The following NEB variants were observed in gnomAD, a reference collection of about 807,000 sequenced individuals.
NEB encodes the protein nemaline myopathy type 2.
Under a neutral mutation model 952.2 loss-of-function variants are expected in NEB, and 512 were observed. That is an observed-to-expected ratio of 0.54 (90% confidence interval 0.50 to 0.58). The LOEUF is 0.58. Among genes scored for constraint, NEB ranks in the 20% least tolerant of loss-of-function variants. NEB has a pLI of 0.00. For synonymous variants in NEB, 2,900 were observed against 3,149.8 expected (o/e 0.92, Z 2.66); for missense variants, 8,428 against 9,231.1 (o/e 0.91, Z 3.56).
At chr2:151,612,158 T>C in intron 78 of NEB, 28 bp downstream of exon 78, 1 of 1,599,464 alleles carries the variant, frequency 6.3e-7, no homozygotes, top group Non-Finnish European at 8.6e-7. Context: ...GGTATGATTC[T>C]GGCAACAGAA....
chr2:151,498,288 ACT>A lies in NEB; in HGVS notation c.24177_24178del (p.Arg8059SerfsTer9), dbSNP rs1266535163. ...GCTAAGGTTTTCTTGATTGTGTTTG[ACT>A]CTCTGCATCTCAGGAGTGATGGGGA... is the stretch of plus-strand genomic sequence containing the variant. On this transcript the variant is annotated frameshift_variant, in exon 170 of 182. Coordinates refer to ENST00000397345, the MANE Select transcript of NEB (RefSeq NM_001164508.2). LOFTEE classifies it high-confidence loss of function. 4.5e-6 allele frequency: 7 copies of A among 1,551,146 alleles called. No individual in the cohort carries two copies. Among genetic ancestry groups the A allele is most frequent in the Non-Finnish European group, 6.1e-6 (7 of 1,146,814 alleles).
At chr2:151,540,537 A>G (rs1559705544) in intron 137 of NEB, 89 bp from the exon 138 acceptor site, 1 of 1,150,198 alleles carries the variant, frequency 8.7e-7, no homozygotes, top group Non-Finnish European at 1.3e-6. Context: ...GAGGGGCACA[A>G]TGTGTTACAC....
chr2:151,639,624 G>C (rs1044037184), intron 62 of NEB, among the ~76,000 whole-genome samples: 9 of 152,114 alleles, frequency 5.9e-5, no homozygotes, highest in Non-Finnish European at 1.3e-4. Context: ...ATTTTATGCA[G>C]ACTATTTTTT....
Position 151,627,583 on chromosome 2 carries a change from C to T in NEB, c.10083G>A (p.Thr3361=), listed in dbSNP as rs778762176. The T allele has an allele frequency of 1.7e-5, 28 of 1,613,976 alleles. No individual in the cohort carries two copies. The highest frequency in any genetic ancestry group is 8.9e-5 in the East Asian group (4 of 44,880). Reference sequence around the variant, plus strand: ...TGACATCATTCTGGTCGGGCAGGCACGTCCACTCGTGCAGGTAGTTCTTGT... The same window carrying T: ...TGACATCATTCTGGTCGGGCAGGCATGTCCACTCGTGCAGGTAGTTCTTGT... ...VDYKNYLHEW[T]CLPDQNDVIH... is the part of the protein sequence containing the mutation. Residue 3361 remains threonine (T), a synonymous_variant, in exon 69 of 182, where the codon ACG becomes ACA. Transcript: ENST00000397345.
At chr2:151,619,840 T>C in intron 72 of NEB, 78 bp from the exon 73 acceptor site, 2 of 1,443,676 alleles carry the variant, frequency 1.4e-6, no homozygotes, top group South Asian at 2.7e-5. Context: ...TGGTGCTTTC[T>C]ATGAAATCTT....
At chr2:151,514,777 A>G in intron 158 of NEB, 41 bp downstream of exon 158, 1 of 1,339,224 alleles carries the variant, frequency 7.5e-7, no homozygotes. Context: ...TAGTGCAATT[A>G]TTTGGATTAA....
intron 54 of NEB, among the ~76,000 whole-genome samples, chr2:151,648,715 A>G (rs1262246987): frequency 6.6e-6 from 1 of 152,242 alleles, no homozygotes; most frequent in Non-Finnish European, 1.5e-5. Context: ...TGTAAAAACC[A>G]AAAATATTTC....
At chr2:151,490,578 C>T in intron 179 of NEB, 60 bp from the exon 180 acceptor site, 1 of 1,554,732 alleles carries the variant, frequency 6.4e-7, no homozygotes, top group Non-Finnish European at 8.8e-7. Flanking sequence ...GTAGTAATGC[C>T]TAACAGTGAT....
rs780178975 is a variant in NEB at position 151,561,354 on chromosome 2, G to A, written c.18997-42C>T. ...AAGTCATCAAAAATGGTAACATACAGGTCTGTCATCAGCTGTAGCTGCTTG... is the reference window on the plus strand; with the variant it reads ...AAGTCATCAAAAATGGTAACATACAAGTCTGTCATCAGCTGTAGCTGCTTG... On this transcript the variant is annotated intron_variant, in intron 121 of 181. Transcript: ENST00000397345. The A allele has an allele frequency of 5.0e-6, 7 of 1,397,674 alleles. No homozygotes were observed. In the African/African-American group the frequency reaches 8.5e-5, roughly 17 times the overall value. 86.6% of individuals were successfully genotyped at this position (1,397,674 alleles called of 1,614,324 possible). A position where few individuals can be genotyped will look rare whatever the true frequency, so the allele number is the denominator to read the frequency against.
chr2:151,495,215 G>A (rs1478454127), intron 173 of NEB: 3 of 152,160 alleles, frequency 2.0e-5, no homozygotes, highest in Non-Finnish European at 4.4e-5. Flanking sequence ...CTCAACCTCG[G>A]TATCTCCCCT....
Position 151,646,211 on chromosome 2 carries a change from G to C in NEB, c.7455C>G (p.Asp2485Glu). ...RSDRLYREAWDKDKTQIHIMP... is the reference protein window; with the variant it reads ...RSDRLYREAWEKDKTQIHIMP... ...TGATGTGGATCTGAGTCTTGTCTTT[G>C]TCCCAAGCTTCTCTATAAAGTCTCT... Residue 2485 changes from aspartate (D) to glutamate (E), a missense_variant, in exon 55 of 182, where the codon GAC (aspartate) becomes GAG (glutamate). Transcript: ENST00000397345. The C allele has an allele frequency of 6.3e-7, 1 of 1,599,622 alleles. No individual in the cohort carries two copies. The highest frequency in any genetic ancestry group is 8.5e-7 in the Non-Finnish European group (1 of 1,172,216).
At chr2:151,575,366 T>C (rs1022246381) in intron 107 of NEB, among the ~76,000 whole-genome samples, 1 of 152,222 alleles carries the variant, frequency 6.6e-6, no homozygotes, top group Admixed American at 6.5e-5. Flanking sequence ...CTCATAATTA[T>C]TTTGAGTCTA....
chr2:151,642,561 C>T lies in NEB; in HGVS notation c.8373+13G>A, dbSNP rs199564399. The stretch of plus-strand genomic sequence containing the variant: ...GCCAAAGCTAAGGCAAATAACTTTC[C>T]AAGTATACTTACTTCACTTGCAATA... On this transcript the variant is annotated intron_variant, in intron 60 of 181. Transcript: ENST00000397345. 1.9e-4 allele frequency: 302 copies of T among 1,598,328 alleles called. 1 individual carries two copies. In the African/African-American group the frequency reaches 3.6e-3, roughly 19 times the overall value.
chr2:151,612,070 T>C, intron 78 of NEB, 116 bp downstream of exon 78: 2 of 1,100,362 alleles, frequency 1.8e-6, no homozygotes, highest in South Asian at 1.5e-5. Context: ...AAGGCCTGCA[T>C]GAGAATCAGG....
chr2:151,548,097 A>G (rs753135135), intron 131 of NEB, among the ~76,000 whole-genome samples: 18 of 152,218 alleles, frequency 1.2e-4, no homozygotes, highest in Non-Finnish European at 2.1e-4. Flanking sequence ...TTGCATCATA[A>G]TCTATGGAAC....
chr2:151,606,688 T>A lies in NEB; in HGVS notation c.12665A>T (p.Asp4222Val). Residue 4222 changes from aspartate to valine, a missense_variant, in exon 84 of 182, where the codon GAC becomes GTC. Asp to Val is a radical substitution (Grantham distance 152, BLOSUM62 -3). Coordinates refer to ENST00000397345, the MANE Select transcript of NEB (RefSeq NM_001164508.2). Reference sequence around the variant, plus strand: ...TATGTCATAGCCTTTCTGCTTGGCGTCATTCCAGTCTTTTTGGTAGAGTTT... The same window carrying A: ...TATGTCATAGCCTTTCTGCTTGGCGACATTCCAGTCTTTTTGGTAGAGTTT... ...SNKLYQKDWNDAKQKGYDIRA... is the reference protein window; with the variant it reads ...SNKLYQKDWNVAKQKGYDIRA... 1.1e-6 allele frequency: 1 copy of A among 948,140 alleles called. No individual in the cohort carries two copies. The highest frequency in any genetic ancestry group is 4.1e-5 in the East Asian group (1 of 24,536). 58.7% of individuals were successfully genotyped at this position (948,140 alleles called of 1,614,324 possible).
chr2:151,554,144 G>T, intron 125 of NEB, 119 bp from the exon 126 acceptor site: 1 of 863,860 alleles, frequency 1.2e-6, no homozygotes, highest in Non-Finnish European at 1.9e-6. Flanking sequence ...GCAGTGACTG[G>T]TATTTTCTGA....
chr2:151,691,963 A>C lies in NEB; in HGVS notation c.2112T>G (p.Ser704Arg). ...MKVAAQNSDKSYKAEYEEDKG... is the reference protein window; with the variant it reads ...MKVAAQNSDKRYKAEYEEDKG... ...TATCTTCTTCATATTCTGCTTTGTA[A>C]CTTTTCTATAATGAGAAAAACCAAA... Residue 704 changes from serine to arginine, a missense_variant, in exon 23 of 182, where the codon AGT becomes AGG. Coordinates refer to ENST00000397345, the MANE Select transcript of NEB (RefSeq NM_001164508.2). The C allele has an allele frequency of 1.2e-6, 2 of 1,611,606 alleles. No homozygotes were observed. The highest frequency in any genetic ancestry group is 1.7e-6 in the Non-Finnish European group (2 of 1,178,422).
chr2:151,604,296 G>A (rs1261285425), intron 85 of NEB, among the ~76,000 whole-genome samples: 13 of 111,086 alleles, frequency 1.2e-4, no homozygotes, highest in African/African-American at 5.4e-4. Context: ...CAAAGGTAAC[G>A]GCTCAGAGCA....
Sources: gnomAD v4.1 joint callset for allele counts (sites outside exome capture counted in the v4.1 genomes callset) on GRCh38, gnomAD v4.1.1 for gene constraint, MANE v1.5 for transcripts, NCBI Gene and HGNC (gene_info 2026-07-23, HGNC 2026-07-21) for gene names.